CNTNAP2: variants seen among roughly 807,000 people sequenced by gnomAD.
CNTNAP2 encodes the protein contactin associated protein 2.
A neutral mutation model predicts 155.2 loss-of-function variants in CNTNAP2; 98 were observed. The observed-to-expected ratio is 0.63, with a 90% CI of 0.54 to 0.75. The LOEUF is 0.75. Among genes scored for constraint, CNTNAP2 ranks in the 30% least tolerant of loss-of-function variants. The probability of loss-of-function intolerance (pLI) is 0.00; values close to 1 mark genes in which losing one functional copy is unlikely to be tolerated. For missense variants in CNTNAP2, 1,727 were observed against 1,688.1 expected (o/e 1.02, Z -0.40); for synonymous variants, 651 against 631.2 (o/e 1.03, Z -0.47).
intron 13 of CNTNAP2, among the ~76,000 whole-genome samples, chr7:147,764,322 C>G (rs1302033135): frequency 6.6e-6 from 1 of 152,098 alleles, no homozygotes; most frequent in African/African-American, 2.4e-5. Flanking sequence ...CTCTCCTGCT[C>G]AGCTACACCT....
chr7:147,176,782 A>G (rs1389221150), intron 8 of CNTNAP2, among the ~76,000 whole-genome samples: 1 of 121,154 alleles, frequency 8.3e-6, no homozygotes, highest in African/African-American at 3.5e-5. Context: ...ATTATATATA[A>G]TTATAATTAT....
intron 1 of CNTNAP2, among the ~76,000 whole-genome samples, chr7:146,437,881 GTT>G (rs11353994): frequency 0.038 from 5,579 of 147,270 alleles, 580 homozygotes; most frequent in African/African-American, 0.13. Flanking sequence ...CCCCAATCTC[GTT>G]TTTTTTTTTG....
chr7:147,018,310 T>C (rs1341426035), intron 3 of CNTNAP2, among the ~76,000 whole-genome samples: 2 of 152,028 alleles, frequency 1.3e-5, no homozygotes, highest in Non-Finnish European at 2.9e-5. Context: ...TGAAACATAG[T>C]GAAGAAGAAT....
intron 3 of CNTNAP2, among the ~76,000 whole-genome samples, chr7:146,887,971 T>C (rs1407406933): frequency 6.6e-6 from 1 of 152,172 alleles, no homozygotes; most frequent in African/African-American, 2.4e-5. Flanking sequence ...GTTTATGTTA[T>C]CTTTGATAAC....
chr7:148,112,869 A>T (rs11979166), intron 15 of CNTNAP2, among the ~76,000 whole-genome samples: 7,167 of 138,762 alleles, frequency 0.052, 365 homozygotes, highest in East Asian at 0.28. Context: ...TTTTTTTTTT[A>T]AAAAAAAATA....
chr7:147,802,648 C>T (rs962166134), intron 13 of CNTNAP2, among the ~76,000 whole-genome samples: 2 of 152,110 alleles, frequency 1.3e-5, no homozygotes, highest in South Asian at 4.2e-4. Flanking sequence ...TGGCGGCGCG[C>T]ACCTGCAATC....
At chr7:146,825,885 TATAA>T (rs1454907730) in intron 2 of CNTNAP2, among the ~76,000 whole-genome samples, 1 of 152,202 alleles carries the variant, frequency 6.6e-6, no homozygotes, top group Non-Finnish European at 1.5e-5. Context: ...AATTGGCATA[TATAA>T]ATTATATCAC....
intron 4 of CNTNAP2, among the ~76,000 whole-genome samples, chr7:147,049,243 A>G (rs1434850199): frequency 6.6e-6 from 1 of 152,232 alleles, no homozygotes; most frequent in African/African-American, 2.4e-5. Context: ...CCAAATGTCC[A>G]GATAAGATTC....
At chr7:147,678,886 A>G (rs1448938570) in intron 13 of CNTNAP2, among the ~76,000 whole-genome samples, 1 of 151,896 alleles carries the variant, frequency 6.6e-6, no homozygotes, top group Non-Finnish European at 1.5e-5. Flanking sequence ...GTGTTGAATG[A>G]TCTTTTGGAA....
intron 1 of CNTNAP2, among the ~76,000 whole-genome samples, chr7:146,484,856 T>G (rs1015403522): frequency 1.3e-5 from 2 of 152,196 alleles, no homozygotes; most frequent in African/African-American, 2.4e-5. Flanking sequence ...CCCTTACATA[T>G]TCTTATTTTT....
chr7:146,501,334 C>G (rs1797297460), intron 1 of CNTNAP2, among the ~76,000 whole-genome samples: 1 of 151,990 alleles, frequency 6.6e-6, no homozygotes, highest in Non-Finnish European at 1.5e-5. Context: ...AGTGAATCTA[C>G]TTTGGCTTGA....
chr7:146,442,587 G>A (rs1796335858), intron 1 of CNTNAP2, among the ~76,000 whole-genome samples: 1 of 152,152 alleles, frequency 6.6e-6, no homozygotes, highest in Admixed American at 6.5e-5. Context: ...TCTTGAAAGA[G>A]CCTGATGCCC....
Position 147,108,220 on chromosome 7 carries a change from G to A in CNTNAP2, c.624G>A (p.Leu208=). The A allele has an allele frequency of 6.2e-7, 1 of 1,613,626 alleles. No individual in the cohort carries two copies. The highest frequency in any genetic ancestry group is 1.1e-5 in the South Asian group (1 of 91,050). The change falls in exon 5 of 24, where the codon CTG becomes CTA. Residue 208 remains leucine (L), a synonymous_variant. Coordinates refer to ENST00000361727, the MANE Select transcript of CNTNAP2 (RefSeq NM_014141.6). ...YRFRNKKMKT[L]KDVIALNFKT... is the part of the protein sequence containing the mutation. ...TCAGAAACAAGAAGATGAAAACACT[G>A]AAAGATGTCATTGCCTTGAACTTTA...
intron 1 of CNTNAP2, among the ~76,000 whole-genome samples, chr7:146,752,549 T>G (rs1200467253): frequency 1.3e-5 from 2 of 152,170 alleles, no homozygotes; most frequent in Non-Finnish European, 2.9e-5. Flanking sequence ...TTGCAAAAAT[T>G]TTCTCCCATT....
intron 18 of CNTNAP2, among the ~76,000 whole-genome samples, chr7:148,187,796 T>C (rs962955729): frequency 2.0e-5 from 3 of 152,086 alleles, no homozygotes; most frequent in Admixed American, 2.0e-4. Flanking sequence ...ATGACACAAA[T>C]AAAATATTTA....
At chr7:146,139,521 A>G (rs566948235) in intron 1 of CNTNAP2, among the ~76,000 whole-genome samples, 1 of 152,294 alleles carries the variant, frequency 6.6e-6, no homozygotes, top group Non-Finnish European at 1.5e-5. Flanking sequence ...TTGTATTAGA[A>G]GATGTAGCAA....
rs534564049 is a variant in CNTNAP2 at position 146,581,493 on chromosome 7, T to G, written c.98-192778T>G. Among the ~76,000 whole-genome samples the G allele has an allele frequency of 3.3e-5, 5 of 152,200 alleles. No individual in the cohort carries two copies. In the East Asian group the frequency reaches 9.7e-4, roughly 29 times the overall value. ...TTTATGAAAACAATAATATTTTAAC[T>G]GCGGATAGAATATTGAAAGTGACCT... On this transcript the variant is annotated intron_variant, in intron 1 of 23. Transcript: ENST00000361727.
At chr7:147,062,456 A>G (rs1188288212) in intron 4 of CNTNAP2, among the ~76,000 whole-genome samples, 2 of 152,098 alleles carry the variant, frequency 1.3e-5, no homozygotes, top group African/African-American at 4.8e-5. Context: ...CTTTTATTAT[A>G]AATGATATGA....
chr7:146,785,414 A>G (rs1243924067), intron 2 of CNTNAP2, among the ~76,000 whole-genome samples: 2 of 152,234 alleles, frequency 1.3e-5, no homozygotes, highest in African/African-American at 4.8e-5. Flanking sequence ...AAGCACTTTC[A>G]TGCTGTACTT....
Sources: allele counts gnomAD v4.1 joint callset (sites outside exome capture counted in the v4.1 genomes callset), GRCh38; gene constraint gnomAD v4.1.1; transcripts MANE v1.5; gene names NCBI Gene and HGNC (gene_info 2026-07-23, HGNC 2026-07-21).